The following SAMD5 variants were observed in gnomAD, a reference collection of about 807,000 sequenced individuals.
SAMD5 encodes the protein sterile alpha motif domain containing 5.
A neutral mutation model predicts 11.3 loss-of-function variants in SAMD5; 13 were observed. The ratio of observed to expected loss-of-function variants is 1.15; its 90% CI spans 0.75 to 1.83. The LOEUF (loss-of-function observed/expected upper bound fraction) is 1.83, where lower values mean the gene tolerates loss of function less well. Among genes scored for constraint, SAMD5 ranks in the 40% most tolerant of loss-of-function variants. The pLI is 0.00. For synonymous variants in SAMD5, 129 were observed against 111.3 expected (o/e 1.16, Z -1.00); for missense variants, 255 against 239.1 (o/e 1.07, Z -0.44).
At chr6:147,580,311 C>A (rs1283948382) in intron 1 of SAMD5, among the ~76,000 whole-genome samples, 1 of 152,200 alleles carries the variant, frequency 6.6e-6, no homozygotes, top group Non-Finnish European at 1.5e-5. Context: ...TCAGGGACAA[C>A]CTTTTCCTAA....
At chr6:147,947,503 G>A in the SAMD5 span, 1 of 152,188 alleles carries the variant, frequency 6.6e-6, no homozygotes, top group African/African-American at 2.4e-5. Context: ...TTGCTTCAGG[G>A]AGTGTTGATT....
the SAMD5 span, among the ~76,000 whole-genome samples, chr6:147,954,396 T>C: frequency 6.6e-6 from 1 of 152,096 alleles, no homozygotes; most frequent in African/African-American, 2.4e-5. Context: ...TCCCATCAGA[T>C]TACAATGGAG....
the SAMD5 span, among the ~76,000 whole-genome samples, chr6:147,801,854 A>G: frequency 7.8e-3 from 1,191 of 152,328 alleles, 18 homozygotes; most frequent in Middle Eastern, 0.041. Context: ...TGGCATAACT[A>G]AATATCCATA....
the SAMD5 span, among the ~76,000 whole-genome samples, chr6:147,777,132 T>A: frequency 0.11 from 16,977 of 152,108 alleles, 1,058 homozygotes; most frequent in Middle Eastern, 0.16. Flanking sequence ...AAAAATGGTG[T>A]CTGTGCTAAG....
chr6:147,593,819 A>G lies in SAMD5; in HGVS notation c.162+84432A>G, dbSNP rs1186161728. Among the ~76,000 whole-genome samples, 6 of 152,188 alleles carry G rather than the reference A, an allele frequency of 3.9e-5. No homozygotes were observed. The East Asian group carries it at 1.2e-3, about 29-fold the overall frequency. ...AAGACTCTTTTGCAGACTCATCCCC[A>G]TGAAAGTAAAATAAAAAAGCAACAG... On this transcript the variant is annotated intron_variant, in intron 1 of 1. Coordinates refer to the SAMD5 transcript ENST00000566741.
chr6:147,888,180 T>C, the SAMD5 span, among the ~76,000 whole-genome samples: 21,171 of 152,092 alleles, frequency 0.14, 2,386 homozygotes, highest in African/African-American at 0.3. Flanking sequence ...ATTTTTCTTT[T>C]ATAGATCATG....
intron 1 of SAMD5, among the ~76,000 whole-genome samples, chr6:147,703,162 G>T (rs1297025161): frequency 6.6e-6 from 1 of 152,066 alleles, no homozygotes; most frequent in Non-Finnish European, 1.5e-5. Context: ...CTGCCTCCCA[G>T]GTTCAAGTGA....
chr6:147,909,614 T>TTCTCTCTCTCTC, the SAMD5 span, among the ~76,000 whole-genome samples: 67 of 77,302 alleles, frequency 8.7e-4, 1 homozygote, highest in Non-Finnish European at 1.2e-3. Context: ...CTTTCTTTCT[T>TTCTCTCTCTCTC]TCTTTCTTTC....
chr6:147,952,681 T>C, the SAMD5 span, among the ~76,000 whole-genome samples: 68,562 of 151,888 alleles, frequency 0.45, 15,697 homozygotes, highest in African/African-American at 0.52. Context: ...CGCGAATTTT[T>C]TTTGTACTTT....
the SAMD5 span, among the ~76,000 whole-genome samples, chr6:147,811,134 TACTTA>T: frequency 6.6e-6 from 1 of 152,208 alleles, no homozygotes; most frequent in Non-Finnish European, 1.5e-5. Flanking sequence ...ATATAGTAAG[TACTTA>T]ACTAATGTCA....
downstream of SAMD5, among the ~76,000 whole-genome samples, chr6:147,570,489 C>T (rs1219156207): frequency 6.6e-6 from 1 of 152,134 alleles, no homozygotes; most frequent in Admixed American, 6.6e-5. Context: ...GGATTTGAAT[C>T]CCAGCCTTAC....
intron 1 of SAMD5, among the ~76,000 whole-genome samples, chr6:147,613,679 T>A (rs9377062): frequency 0.046 from 6,882 of 150,168 alleles, 244 homozygotes; most frequent in Admixed American, 0.094. Context: ...AAACAGAGAA[T>A]GAGATTGAGA....
intron 1 of SAMD5, among the ~76,000 whole-genome samples, chr6:147,512,247 C>T (rs551999635): frequency 6.6e-5 from 10 of 152,300 alleles, no homozygotes; most frequent in African/African-American, 2.4e-4. Context: ...TGAGCCACCG[C>T]ACCCCGCCAG....
At chr6:147,641,855 G>A (rs1039506222) in intron 1 of SAMD5, among the ~76,000 whole-genome samples, 2 of 152,042 alleles carry the variant, frequency 1.3e-5, no homozygotes, top group African/African-American at 4.8e-5. Context: ...TTTAGAGTTT[G>A]AATTCATGCT....
At chr6:147,600,372 T>C (rs1333476853) in intron 1 of SAMD5, among the ~76,000 whole-genome samples, 8 of 152,214 alleles carry the variant, frequency 5.3e-5, no homozygotes, top group Non-Finnish European at 1.2e-4. Context: ...TATTTAGAGA[T>C]GGCAAACTTT....
At chr6:147,781,831 C>T in the SAMD5 span, among the ~76,000 whole-genome samples, 1 of 149,282 alleles carries the variant, frequency 6.7e-6, no homozygotes, top group Non-Finnish European at 1.5e-5. Context: ...ATAGGGCCAC[C>T]ATTTAATATG....
chr6:147,727,421 G>A (rs144512687), intron 1 of SAMD5, among the ~76,000 whole-genome samples: 19 of 152,278 alleles, frequency 1.2e-4, no homozygotes, highest in African/African-American at 4.6e-4. Flanking sequence ...CTTACCACAT[G>A]GCATTGAAGC....
At chr6:147,870,266 G>C in the SAMD5 span, among the ~76,000 whole-genome samples, 1 of 151,928 alleles carries the variant, frequency 6.6e-6, no homozygotes. Context: ...AACTAAATAG[G>C]TGCTCATTAT....
At chr6:147,873,600 G>A in the SAMD5 span, among the ~76,000 whole-genome samples, 74 of 152,074 alleles carry the variant, frequency 4.9e-4, no homozygotes, top group East Asian at 2.5e-3. Context: ...TGTATATATC[G>A]TACTAATGCT....
Sources: gnomAD v4.1 joint callset for allele counts (sites outside exome capture counted in the v4.1 genomes callset) on GRCh38, gnomAD v4.1.1 for gene constraint, MANE v1.5 for transcripts, NCBI Gene and HGNC (gene_info 2026-07-23, HGNC 2026-07-21) for gene names.